The following WDFY3 variants were observed in gnomAD, a reference collection of about 807,000 sequenced individuals.
WDFY3 encodes the protein WD repeat and FYVE domain containing 3.
WDFY3 carries 66 observed loss-of-function variants against 409.6 expected under a neutral mutation model. The ratio of observed to expected loss-of-function variants is 0.16; its 90% CI spans 0.13 to 0.20. The LOEUF is 0.20. WDFY3 is among the 10% of genes least tolerant of loss of function. WDFY3 has a pLI of 1.00. For missense variants in WDFY3, 3,031 were observed against 4,298.1 expected, an observed-to-expected ratio of 0.71 and a Z score of 8.24; for synonymous variants, 1,521 against 1,537.1, an observed-to-expected ratio of 0.99 and a Z score of 0.25.
chr4:84,723,905 G>T lies in WDFY3; in HGVS notation c.7441+521C>A, dbSNP rs150509057. On this transcript the variant is annotated intron_variant, in intron 46 of 67. Transcript: ENST00000295888. ...AAAGTACAGAATCCGAAAGTCTATG[G>T]ACATTGTAGTCCAATTCATCATCTA... Among the ~76,000 whole-genome samples, 8 of 152,284 alleles carry T rather than the reference G, an allele frequency of 5.3e-5. No individual in the cohort carries two copies. In the East Asian group the frequency reaches 1.5e-3, roughly 29 times the overall value.
intron 50 of WDFY3, among the ~76,000 whole-genome samples, chr4:84,713,856 C>T (rs932287221): frequency 2.0e-5 from 3 of 152,106 alleles, no homozygotes; most frequent in African/African-American, 2.4e-5. Flanking sequence ...TGGTGGCTCA[C>T]GCCTGTAATC....
chr4:84,734,059 T>A (rs1347121920), intron 43 of WDFY3, among the ~76,000 whole-genome samples: 1 of 152,212 alleles, frequency 6.6e-6, no homozygotes, highest in African/African-American at 2.4e-5. Flanking sequence ...CAGGCTTGAT[T>A]ACTGGTGAAC....
intron 38 of WDFY3, 128 bp from the exon 39 acceptor site, chr4:84,740,544 T>G: frequency 1.2e-6 from 1 of 811,666 alleles, no homozygotes; most frequent in Non-Finnish European, 2.0e-6. Context: ...GGTGCTAAGT[T>G]AAAAGATACA....
Position 84,850,021 on chromosome 4 carries a change from A to C in WDFY3, c.185T>G (p.Phe62Cys). 1 of 1,588,502 alleles carries C rather than the reference A, an allele frequency of 6.3e-7. No individual in the cohort carries two copies. Among genetic ancestry groups the C allele is most frequent in the Non-Finnish European group, 8.6e-7 (1 of 1,169,232 alleles). ...YMMLPVFNRVFGNAPPNTMTE... is the reference protein window; with the variant it reads ...YMMLPVFNRVCGNAPPNTMTE... ...CATTGTATTCGGCGGAGCATTTCCA[A>C]AAACCTGTAGATAAGAAAAGACATT... Residue 62 changes from phenylalanine (F) to cysteine (C), a missense_variant, in exon 5 of 68, where the codon TTT becomes TGT. Coordinates refer to ENST00000295888, the MANE Select transcript of WDFY3 (RefSeq NM_014991.6).
Position 84,688,184 on chromosome 4 carries a change from G to A in WDFY3, c.9445C>T (p.Arg3149Ter). 1 of 1,614,156 alleles carries A rather than the reference G, an allele frequency of 6.2e-7. No individual in the cohort carries two copies. Among genetic ancestry groups the A allele is most frequent in the South Asian group, 1.1e-5 (1 of 91,080 alleles). The change falls in exon 62 of 68, where the codon CGA (arginine) becomes TGA (stop). Residue 3149 changes from arginine (R) to a stop codon, truncating the protein, a stop_gained. Transcript: ENST00000295888. LOFTEE classifies it high-confidence loss of function. ...TTCAAATCCCAAATGATACAGGTTCGATCACGGGACCCACTGACAATTATG... is the reference window on the plus strand; with the variant it reads ...TTCAAATCCCAAATGATACAGGTTCAATCACGGGACCCACTGACAATTATG... ...YHIIVSGSRD[R>*]TCIIWDLNKL...
chr4:84,854,368 T>C (rs1311350278), intron 4 of WDFY3, among the ~76,000 whole-genome samples: 1 of 152,200 alleles, frequency 6.6e-6, no homozygotes, highest in Non-Finnish European at 1.5e-5. Flanking sequence ...TCTGACATTG[T>C]AGGTAATACT....
At chr4:84,732,705 T>C (rs1379936547) in intron 44 of WDFY3, among the ~76,000 whole-genome samples, 1 of 151,838 alleles carries the variant, frequency 6.6e-6, no homozygotes, top group Non-Finnish European at 1.5e-5. Flanking sequence ...AATGACAGGC[T>C]TTCCTTATTT....
rs1219005364 is a variant in WDFY3 at position 84,826,969 on chromosome 4, T to A, written c.969A>T (p.Ala323=). The change falls in exon 10 of 68, where the codon GCA becomes GCT. Residue 323 remains alanine, a synonymous_variant. Coordinates refer to ENST00000295888, the MANE Select transcript of WDFY3 (RefSeq NM_014991.6). ...LCDLLLRLEQ[A]KEAESKDALK... is the part of the protein sequence containing the mutation. ...AGGCATCTTTGGATTCTGCCTCTTT[T>A]GCTTGTTCCAATCTAGAAAAGTATG... 6.2e-7 allele frequency: 1 copy of A among 1,608,340 alleles called. No individual in the cohort carries two copies. The highest frequency in any genetic ancestry group is 8.5e-7 in the Non-Finnish European group (1 of 1,178,634).
chr4:84,881,920 C>T (rs1763593121), intron 3 of WDFY3, among the ~76,000 whole-genome samples: 1 of 151,912 alleles, frequency 6.6e-6, no homozygotes, highest in South Asian at 2.1e-4. Context: ...TTATTAAGAT[C>T]TACTTTTCTG....
chr4:84,937,852 C>G (rs921710224), intron 1 of WDFY3, among the ~76,000 whole-genome samples: 1 of 152,096 alleles, frequency 6.6e-6, no homozygotes, highest in South Asian at 2.1e-4. Context: ...TCCCTATATG[C>G]TTTTCCAAGA....
At chr4:84,735,515 G>T (rs1737295983) in intron 42 of WDFY3, among the ~76,000 whole-genome samples, 1 of 152,180 alleles carries the variant, frequency 6.6e-6, no homozygotes, top group Non-Finnish European at 1.5e-5. Context: ...CTTGGCTGAG[G>T]CTGTCACTAG....
chr4:84,682,518 G>A (rs762273796), intron 63 of WDFY3, 48 bp from the exon 64 acceptor site: 1 of 1,473,630 alleles, frequency 6.8e-7, no homozygotes, highest in Non-Finnish European at 9.4e-7. Context: ...AACAGATTAA[G>A]GAACCAATTT....
At chr4:84,910,825 C>A (rs1767665366) in intron 2 of WDFY3, among the ~76,000 whole-genome samples, 1 of 152,022 alleles carries the variant, frequency 6.6e-6, no homozygotes, top group Non-Finnish European at 1.5e-5. Context: ...CCTGCCTCAG[C>A]CTCCCAAGTA....
intron 8 of WDFY3, among the ~76,000 whole-genome samples, chr4:84,830,753 T>G (rs756862931): frequency 1.3e-5 from 2 of 152,220 alleles, no homozygotes; most frequent in African/African-American, 2.4e-5. Context: ...ATGCAATATC[T>G]TCAGAAAGAC....
chr4:84,760,661 T>C (rs1239557543), intron 32 of WDFY3, among the ~76,000 whole-genome samples: 1 of 152,092 alleles, frequency 6.6e-6, no homozygotes, highest in Non-Finnish European at 1.5e-5. Flanking sequence ...ATCCCCTTTA[T>C]CATTTTTTAT....
chr4:84,921,032 A>C (rs1199852182), intron 2 of WDFY3, among the ~76,000 whole-genome samples: 2 of 152,152 alleles, frequency 1.3e-5, no homozygotes, highest in Non-Finnish European at 2.9e-5. Flanking sequence ...AATTTGTCCT[A>C]AATATAGGTA....
At chr4:84,711,612 G>C (rs1732904405) in intron 51 of WDFY3, among the ~76,000 whole-genome samples, 1 of 152,030 alleles carries the variant, frequency 6.6e-6, no homozygotes, top group South Asian at 2.1e-4. Flanking sequence ...CAGCACTTTG[G>C]GAGGCCGAGG....
chr4:84,677,076 T>A, intron 67 of WDFY3, 123 bp downstream of exon 67: 1 of 1,121,426 alleles, frequency 8.9e-7, no homozygotes, highest in Non-Finnish European at 1.2e-6. Flanking sequence ...TGAAGACTGG[T>A]TCATACCAAC....
At position 84,808,405 on chromosome 4, in the gene WDFY3, C is replaced by G; in HGVS notation, c.2358G>C (p.Gln786His). Residue 786 changes from glutamine (Q) to histidine (H), a missense_variant, in exon 15 of 68, where the codon CAG becomes CAC. Around this residue, in one of 16 missense-constraint regions of WDFY3, gnomAD observed 1,322 missense variants for 1,697.9 expected, o/e 0.78. Coordinates refer to ENST00000295888, the MANE Select transcript of WDFY3 (RefSeq NM_014991.6). ...ATDSFDSRAE[Q>H]IPPCLTSESS... The stretch of plus-strand genomic sequence containing the variant: ...ACTCACTTGTCAGGCAAGGAGGGAT[C>G]TGTTCTGCACGACTACAGACAACAA... 1 of 1,613,830 alleles carries G rather than the reference C, an allele frequency of 6.2e-7. No individual in the cohort carries two copies. Among genetic ancestry groups the G allele is most frequent in the Non-Finnish European group, 8.5e-7 (1 of 1,179,780 alleles).
Sources: allele counts gnomAD v4.1 joint callset (sites outside exome capture counted in the v4.1 genomes callset), GRCh38; gene constraint gnomAD v4.1.1; regional missense constraint gnomAD v4.1.1; transcripts MANE v1.5; gene names NCBI Gene and HGNC (gene_info 2026-07-23, HGNC 2026-07-21).